OCIAD1: variants seen among roughly 807,000 people sequenced by gnomAD.
The protein encoded by OCIAD1 is OCIA domain containing 1.
Under a neutral mutation model 38.9 loss-of-function variants are expected in OCIAD1, and 29 were observed. The ratio of observed to expected loss-of-function variants is 0.74; its 90% CI spans 0.55 to 1.02. The LOEUF (loss-of-function observed/expected upper bound fraction) is 1.02. OCIAD1 is among the 50% of genes least tolerant of loss of function. The pLI is 0.00. For missense variants in OCIAD1, 288 were observed against 289.6 expected, an observed-to-expected ratio of 0.99 and a Z score of 0.04; for synonymous variants, 110 against 92.0, an observed-to-expected ratio of 1.20 and a Z score of -1.12.
chr4:48,833,110 G>A (rs575538193), intron 2 of OCIAD1, among the ~76,000 whole-genome samples: 2 of 152,170 alleles, frequency 1.3e-5, no homozygotes, highest in African/African-American at 4.8e-5. Flanking sequence ...AATTAGCCTG[G>A]CGTGGTGATG....
chr4:48,812,054 C>T (rs557298807), intron 1 of OCIAD1, among the ~76,000 whole-genome samples: 2 of 151,370 alleles, frequency 1.3e-5, no homozygotes, highest in Admixed American at 6.6e-5. Flanking sequence ...GAGGCTGAGG[C>T]GGGTGGATCA....
intron 3 of OCIAD1, among the ~76,000 whole-genome samples, chr4:48,837,405 G>A (rs892718082): frequency 1.3e-5 from 2 of 151,084 alleles, no homozygotes; most frequent in Non-Finnish European, 2.9e-5. Context: ...CAATTCTCCT[G>A]CCTCAGCTTC....
chr4:48,809,608 G>A (rs547279428), intron 1 of OCIAD1, among the ~76,000 whole-genome samples: 19 of 151,982 alleles, frequency 1.3e-4, no homozygotes, highest in Admixed American at 3.3e-4. Context: ...TTCATGATAC[G>A]GCCTCTGTCT....
chr4:48,840,834 A>G (rs957845565), intron 3 of OCIAD1, among the ~76,000 whole-genome samples: 5 of 137,930 alleles, frequency 3.6e-5, no homozygotes, highest in African/African-American at 1.4e-4. Flanking sequence ...TCATCTCTAC[A>G]AAAAAAAAAA....
intron 1 of OCIAD1, among the ~76,000 whole-genome samples, chr4:48,814,879 C>A (rs574760470): frequency 6.6e-6 from 1 of 152,308 alleles, no homozygotes; most frequent in African/African-American, 2.4e-5. Context: ...CATACTGACA[C>A]ATGGGCTCCA....
intron 1 of OCIAD1, among the ~76,000 whole-genome samples, chr4:48,806,074 C>G (rs971910521): frequency 6.6e-6 from 1 of 152,146 alleles, no homozygotes; most frequent in Non-Finnish European, 1.5e-5. Flanking sequence ...TAAGACCAGC[C>G]TGGCCAACAT....
intron 3 of OCIAD1, among the ~76,000 whole-genome samples, chr4:48,840,159 G>A (rs1477834205): frequency 1.3e-5 from 2 of 152,202 alleles, no homozygotes; most frequent in Non-Finnish European, 2.9e-5. Flanking sequence ...AGACATTGTG[G>A]TGAATGGCAG....
intron 3 of OCIAD1, among the ~76,000 whole-genome samples, chr4:48,836,751 C>T (rs535198037): frequency 1.3e-5 from 2 of 152,250 alleles, no homozygotes; most frequent in Admixed American, 6.5e-5. Flanking sequence ...ATTTTATCCA[C>T]CAATATTCAG....
At chr4:48,814,951 C>T (rs1483634030) in intron 1 of OCIAD1, among the ~76,000 whole-genome samples, 2 of 152,130 alleles carry the variant, frequency 1.3e-5, no homozygotes, top group Non-Finnish European at 2.9e-5. Context: ...ACAAAATATG[C>T]CTCAAAATAA....
chr4:48,831,647 AG>A, intron 1 of OCIAD1: 1 of 893,810 alleles, frequency 1.1e-6, no homozygotes, highest in Non-Finnish European at 1.6e-6. Flanking sequence ...TGGTGTTTCT[AG>A]GAAGGATGCC....
chr4:48,852,867 T>TTTTTTTTTTTTTTTTG (rs1350404516), intron 7 of OCIAD1, among the ~76,000 whole-genome samples: 1 of 117,818 alleles, frequency 8.5e-6, no homozygotes, highest in African/African-American at 3.8e-5. Flanking sequence ...TAAGCCAAGT[T>TTTTTTTTTTTTTTTTG]TTTTTTTGTT....
chr4:48,833,112 G>A (rs1230574750), intron 2 of OCIAD1, among the ~76,000 whole-genome samples: 3 of 152,034 alleles, frequency 2.0e-5, no homozygotes, highest in Non-Finnish European at 2.9e-5. Flanking sequence ...TTAGCCTGGC[G>A]TGGTGATGGG....
At chr4:48,844,701 A>G (rs1414707432) in intron 4 of OCIAD1, among the ~76,000 whole-genome samples, 4 of 152,100 alleles carry the variant, frequency 2.6e-5, no homozygotes, top group African/African-American at 9.7e-5. Context: ...AATCCCTGAC[A>G]TTTTGTACAG....
intron 7 of OCIAD1, among the ~76,000 whole-genome samples, chr4:48,854,193 T>C (rs1459939451): frequency 6.6e-6 from 1 of 152,178 alleles, no homozygotes; most frequent in Admixed American, 6.5e-5. Context: ...AAACCTCAGA[T>C]ATTACCAAAT....
intron 3 of OCIAD1, among the ~76,000 whole-genome samples, chr4:48,842,240 CAT>C (rs1357794569): frequency 1.4e-4 from 21 of 152,320 alleles, no homozygotes; most frequent in African/African-American, 5.1e-4. Flanking sequence ...AGAATTTAGT[CAT>C]TACTCAGTAG....
At chr4:48,848,478 CT>C in intron 5 of OCIAD1, 32 bp downstream of exon 5, 3 of 1,051,876 alleles carry the variant, frequency 2.9e-6, no homozygotes, top group Non-Finnish European at 4.2e-6. Context: ...GTTTTCATAG[CT>C]TTTTAAAACT....
intron 4 of OCIAD1, among the ~76,000 whole-genome samples, chr4:48,844,001 G>C (rs1464704951): frequency 6.6e-6 from 1 of 152,224 alleles, no homozygotes; most frequent in Non-Finnish European, 1.5e-5. Flanking sequence ...GTATAGTAGA[G>C]ACTCTAAGAG....
At chr4:48,849,211 G>T (rs1349710102) in intron 5 of OCIAD1, among the ~76,000 whole-genome samples, 1 of 152,032 alleles carries the variant, frequency 6.6e-6, no homozygotes, top group Non-Finnish European at 1.5e-5. Context: ...GAGTTAATGG[G>T]TGCAGCACAC....
intron 3 of OCIAD1, among the ~76,000 whole-genome samples, chr4:48,833,996 A>T (rs1000880229): frequency 7.9e-5 from 12 of 152,240 alleles, no homozygotes; most frequent in African/African-American, 2.6e-4. Flanking sequence ...ATTTCTGATT[A>T]AAGAAATATA....
Sources: allele counts gnomAD v4.1 joint callset (sites outside exome capture counted in the v4.1 genomes callset), GRCh38; gene constraint gnomAD v4.1.1; transcripts MANE v1.5; gene names NCBI Gene and HGNC (gene_info 2026-07-23, HGNC 2026-07-21).